The following PACRG variants were observed in gnomAD, a reference collection of about 807,000 sequenced individuals.
PACRG encodes the protein parkin coregulated gene protein.
Under a neutral mutation model 29.7 loss-of-function variants are expected in PACRG, and 29 were observed. The ratio of observed to expected loss-of-function variants is 0.98; its 90% CI spans 0.73 to 1.33. The LOEUF is 1.33. Among genes scored for constraint, PACRG ranks in the 40% most tolerant of loss-of-function variants. The pLI, the probability that PACRG is intolerant of heterozygous loss-of-function variation, is 0.00. For synonymous variants in PACRG, 116 were observed against 118.7 expected (o/e 0.98, Z 0.15); for missense variants, 279 against 316.2 (o/e 0.88, Z 0.89).
At position 163,174,712 on chromosome 6, in the gene PACRG, C is replaced by G. The variant is rs781698016; in HGVS notation, c.613+85304C>G. ...ACTTAAACCTCTCAGAAGAGTTTGT[C>G]AATTTCTTCTTATTCAATTCTCATT... On this transcript the variant is annotated intron_variant, in intron 4 of 4. Coordinates refer to ENST00000366888, the MANE Select transcript of PACRG (RefSeq NM_001080379.2). 1.2e-4 allele frequency among the ~76,000 whole-genome samples: 18 copies of G among 152,102 alleles called. 1 individual carries two copies. The highest frequency in any genetic ancestry group is 1.9e-4 in the Non-Finnish European group (13 of 68,012).
intron 4 of PACRG, among the ~76,000 whole-genome samples, chr6:163,198,727 C>T (rs537568412): frequency 6.6e-6 from 1 of 152,290 alleles, no homozygotes; most frequent in Admixed American, 6.5e-5. Context: ...AGACAGGTCT[C>T]AGTTAATTTA....
At chr6:162,978,143 CA>C (rs35161525) in intron 2 of PACRG, among the ~76,000 whole-genome samples, 89,844 of 144,248 alleles carry the variant, frequency 0.62, 27,232 homozygotes, top group East Asian at 0.79. Flanking sequence ...GACTCCATCT[CA>C]AAAAAAAAAA....
chr6:163,030,305 G>A lies in PACRG; in HGVS notation c.292-31845G>A, dbSNP rs186667491. Among the ~76,000 whole-genome samples, 4 of 152,248 alleles carry A rather than the reference G, an allele frequency of 2.6e-5. No homozygotes were observed. The East Asian group carries it at 7.7e-4, about 29-fold the overall frequency. Reference sequence around the variant, plus strand: ...CATACATATGCATACCTTTTTATATGAGAAATAGATTTCTCTAGATATATA... The same window carrying A: ...CATACATATGCATACCTTTTTATATAAGAAATAGATTTCTCTAGATATATA... On this transcript the variant is annotated intron_variant, in intron 2 of 4. Coordinates refer to ENST00000366888, the MANE Select transcript of PACRG (RefSeq NM_001080379.2).
chr6:162,868,617 T>G (rs1792515759), intron 2 of PACRG, among the ~76,000 whole-genome samples: 1 of 151,994 alleles, frequency 6.6e-6, no homozygotes, highest in Non-Finnish European at 1.5e-5. Flanking sequence ...GCAGGTGAGA[T>G]CCCTACTCAC....
rs76688105 is a variant in PACRG, at chr6:162,919,633, G to A, written c.291+105352G>A. The stretch of plus-strand genomic sequence containing the variant: ...AGGGTCTGTGATATTGTCAGGCTGC[G>A]GGTTCAAAATGAGAGTCCTTCCACA... On this transcript the variant is annotated intron_variant, in intron 2 of 4. Coordinates refer to ENST00000366888, the MANE Select transcript of PACRG (RefSeq NM_001080379.2). 1.7e-4 allele frequency among the ~76,000 whole-genome samples: 26 copies of A among 152,220 alleles called. 1 individual carries two copies. The East Asian group carries it at 3.5e-3, about 20-fold the overall frequency.
intron 4 of PACRG, among the ~76,000 whole-genome samples, chr6:163,281,208 G>A (rs1585396434): frequency 1.3e-5 from 2 of 152,268 alleles, no homozygotes; most frequent in East Asian, 1.9e-4. Flanking sequence ...GGTGGTGCGA[G>A]CTTGGGGGTG....
At chr6:162,983,230 G>C (rs534644867) in intron 2 of PACRG, among the ~76,000 whole-genome samples, 1 of 152,022 alleles carries the variant, frequency 6.6e-6, no homozygotes, top group Non-Finnish European at 1.5e-5. Flanking sequence ...GAAGACAGCA[G>C]ATACTTGGTT....
intron 4 of PACRG, among the ~76,000 whole-genome samples, chr6:163,095,677 T>A (rs985918445): frequency 6.6e-6 from 1 of 152,088 alleles, no homozygotes; most frequent in African/African-American, 2.4e-5. Flanking sequence ...CCCATCTTCA[T>A]GTGGCCTTTT....
chr6:163,149,220 C>T (rs1303521250), intron 4 of PACRG, among the ~76,000 whole-genome samples: 1 of 152,038 alleles, frequency 6.6e-6, no homozygotes, highest in East Asian at 1.9e-4. Context: ...CTCCCTCCTT[C>T]TCCTGCAGAG....
At chr6:162,727,736 T>A (rs777729617), upstream of PACRG, 1 of 1,507,392 alleles carries the variant, frequency 6.6e-7, no homozygotes, top group Non-Finnish European at 9.0e-7. Flanking sequence ...CAGCCGCGCC[T>A]CCCACCAGCG....
At chr6:163,087,163 C>T (rs1813639314) in intron 3 of PACRG, among the ~76,000 whole-genome samples, 1 of 152,098 alleles carries the variant, frequency 6.6e-6, no homozygotes, top group African/African-American at 2.4e-5. Flanking sequence ...GGATCAGAAC[C>T]AGAGGAGTAG....
chr6:163,069,247 G>A (rs1253597018), intron 3 of PACRG, among the ~76,000 whole-genome samples: 6 of 144,852 alleles, frequency 4.1e-5, no homozygotes, highest in Admixed American at 1.4e-4. Flanking sequence ...ATGCCCAGAC[G>A]TCAAGCATCA....
chr6:162,775,991 T>A (rs1783614720), intron 1 of PACRG, among the ~76,000 whole-genome samples: 2 of 152,150 alleles, frequency 1.3e-5, no homozygotes, highest in African/African-American at 2.4e-5. Context: ...GGGAAGCCCT[T>A]TTTAAGAAAG....
chr6:163,107,338 C>A (rs1815439628), intron 4 of PACRG, among the ~76,000 whole-genome samples: 1 of 152,068 alleles, frequency 6.6e-6, no homozygotes, highest in Admixed American at 6.5e-5. Context: ...AGGCCACAAA[C>A]TGCAAATGAA....
At chr6:162,875,433 A>G (rs1319204278) in intron 2 of PACRG, among the ~76,000 whole-genome samples, 1 of 152,204 alleles carries the variant, frequency 6.6e-6, no homozygotes, top group East Asian at 1.9e-4. Flanking sequence ...ATGCACACAC[A>G]TTCACACACA....
intron 2 of PACRG, among the ~76,000 whole-genome samples, chr6:163,027,929 C>G (rs1036481660): frequency 1.3e-5 from 2 of 152,174 alleles, no homozygotes; most frequent in Non-Finnish European, 2.9e-5. Context: ...CACACTGTCC[C>G]CCACCAACCA....
At chr6:163,095,288 T>C in intron 4 of PACRG, 1 of 985,312 alleles carries the variant, frequency 1.0e-6, no homozygotes, top group Non-Finnish European at 1.2e-6. Context: ...GGGAGTGGGG[T>C]CAGTCACAAA....
intron 2 of PACRG, among the ~76,000 whole-genome samples, chr6:162,891,358 A>G (rs1252925334): frequency 6.6e-6 from 1 of 152,148 alleles, no homozygotes. Context: ...GGCTCTAAAG[A>G]GCAGGAAATT....
intron 1 of PACRG, among the ~76,000 whole-genome samples, chr6:162,744,658 T>G (rs1263511597): frequency 6.6e-6 from 1 of 152,140 alleles, no homozygotes; most frequent in East Asian, 1.9e-4. Context: ...CTTAGGCATA[T>G]TTGAAATAGG....
Sources: gnomAD v4.1 joint callset for allele counts (sites outside exome capture counted in the v4.1 genomes callset) on GRCh38, gnomAD v4.1.1 for gene constraint, MANE v1.5 for transcripts, NCBI Gene and HGNC (gene_info 2026-07-23, HGNC 2026-07-21) for gene names.